ASB4: variants seen among roughly 807,000 people sequenced by gnomAD.
The protein encoded by ASB4 is ankyrin repeat and SOCS box containing 4, also known as ankyrin repeat and SOCS box protein 4.
Under a neutral mutation model 38.6 loss-of-function variants are expected in ASB4, and 35 were observed. The ratio of observed to expected loss-of-function variants is 0.91; its 90% CI spans 0.69 to 1.20. ASB4 has a LOEUF of 1.20. Ranked by LOEUF, ASB4 falls within the 50% of genes most tolerant of loss-of-function variation. The pLI is 0.00. For missense variants in ASB4, 557 were observed against 527.2 expected, an observed-to-expected ratio of 1.06 and a Z score of -0.55; for synonymous variants, 195 against 201.3, an observed-to-expected ratio of 0.97 and a Z score of 0.26.
At chr7:95,521,824 G>C (rs377737508) in intron 2 of ASB4, among the ~76,000 whole-genome samples, 1 of 151,918 alleles carries the variant, frequency 6.6e-6, no homozygotes, top group African/African-American at 2.4e-5. Flanking sequence ...CATATAAATA[G>C]TAAAAAGAAC....
In ASB4 at chr7:95,515,171, TTC is replaced by T. The variant is rs1296313857; in HGVS notation, c.488-12640_488-12639del. Among the ~76,000 whole-genome samples the T allele has an allele frequency of 1.8e-4, 8 of 44,658 alleles. No individual in the cohort carries two copies. In the East Asian group the frequency reaches 2.5e-3, roughly 14 times the overall value. The allele number at this position is 44,658 out of a possible 152,430, so 29.3% of individuals were successfully genotyped here. A position where few individuals can be genotyped will look rare whatever the true frequency, so the allele number is the denominator to read the frequency against. On this transcript the variant is annotated intron_variant, in intron 2 of 4. Coordinates refer to ENST00000325885, the MANE Select transcript of ASB4 (RefSeq NM_016116.3). ...TTTCTTTCTTTCTTTCTCTTTCTCT[TTC>T]TTTCTTTCTTTCTTTCTTTCTTTCT...
At chr7:95,496,759 G>T (rs1790254987) in intron 2 of ASB4, among the ~76,000 whole-genome samples, 1 of 151,994 alleles carries the variant, frequency 6.6e-6, no homozygotes, top group African/African-American at 2.4e-5. Flanking sequence ...GAGGTAGGAG[G>T]GTCACTTGAT....
At chr7:95,544,122 C>T (rs1791004330), downstream of ASB4, 1 of 152,014 alleles carries the variant, frequency 6.6e-6, no homozygotes. Flanking sequence ...TCTGGAGCAA[C>T]AAAGGGGATG....
intron 2 of ASB4, among the ~76,000 whole-genome samples, chr7:95,521,025 G>C (rs977839762): frequency 1.3e-5 from 2 of 151,996 alleles, no homozygotes; most frequent in African/African-American, 4.8e-5. Flanking sequence ...GGGGAAAAAT[G>C]TTTGAATTGC....
intron 1 of ASB4, among the ~76,000 whole-genome samples, chr7:95,492,608 T>C (rs1790188301): frequency 6.6e-6 from 1 of 152,208 alleles, no homozygotes; most frequent in Admixed American, 6.5e-5. Flanking sequence ...TTTCTTTGAT[T>C]TTACATCAAA....
At position 95,519,312 on chromosome 7, in the gene ASB4, T is replaced by C. The variant is rs755490268; in HGVS notation, c.488-8501T>C. On this transcript the variant is annotated intron_variant, in intron 2 of 4. Transcript: ENST00000325885. ...AAATAATTCCAGAACATGCAGAAAA[T>C]GAAAAGCCCTGAATAGAATAAAAGG... 2.0e-4 allele frequency among the ~76,000 whole-genome samples: 31 copies of C among 152,054 alleles called. No homozygotes were observed. In the Middle Eastern group the frequency reaches 0.017, roughly 83 times the overall value.
At chr7:95,476,726 T>C (rs1238742385), upstream of ASB4, among the ~76,000 whole-genome samples, 2 of 152,222 alleles carry the variant, frequency 1.3e-5, no homozygotes, top group African/African-American at 2.4e-5. Context: ...ATTGTGAGCA[T>C]GAGAAGCAAG....
chr7:95,510,780 T>C (rs922307221), intron 2 of ASB4, among the ~76,000 whole-genome samples: 3 of 152,208 alleles, frequency 2.0e-5, no homozygotes, highest in African/African-American at 7.2e-5. Context: ...ATGTGTCTTC[T>C]GTTTTGAGTT....
Position 95,528,102 on chromosome 7 carries a change from AG to A in ASB4, c.778del (p.Ala260ProfsTer11). 3 of 1,614,202 alleles carry A rather than the reference AG, an allele frequency of 1.9e-6. No homozygotes were observed. The highest frequency in any genetic ancestry group is 1.7e-6 in the Non-Finnish European group (2 of 1,180,036). ...DDFKSPLHKA[A>X]WNCDHVLMHM... Reference sequence around the variant, plus strand: ...ACTTTAAATCTCCCCTCCACAAGGCAGCCTGGAACTGTGACCACGTGCTCAT... The same window carrying A: ...ACTTTAAATCTCCCCTCCACAAGGCACCTGGAACTGTGACCACGTGCTCAT... On this transcript the variant is annotated frameshift_variant, in exon 3 of 5. Transcript: ENST00000325885. LOFTEE classifies it high-confidence loss of function.
chr7:95,505,615 G>A (rs187489685), intron 2 of ASB4, among the ~76,000 whole-genome samples: 50 of 151,930 alleles, frequency 3.3e-4, no homozygotes, highest in South Asian at 2.9e-3. Flanking sequence ...AGCAATAGAA[G>A]CAGCTTTATG....
intron 2 of ASB4, among the ~76,000 whole-genome samples, chr7:95,508,537 T>C (rs561827989): frequency 2.0e-5 from 3 of 152,096 alleles, no homozygotes; most frequent in Non-Finnish European, 4.4e-5. Flanking sequence ...TTCCGAGCAG[T>C]CTGGAGGGTC....
At chr7:95,527,466 G>T (rs1736294944) in intron 2 of ASB4, among the ~76,000 whole-genome samples, 1 of 152,202 alleles carries the variant, frequency 6.6e-6, no homozygotes, top group South Asian at 2.1e-4. Context: ...AAATATCATT[G>T]TTATGTTGAT....
intron 1 of ASB4, among the ~76,000 whole-genome samples, chr7:95,494,458 T>C (rs1445367156): frequency 1.3e-5 from 2 of 152,240 alleles, no homozygotes; most frequent in Admixed American, 1.3e-4. Context: ...GTTTCTCAAA[T>C]AAATGACCAT....
chr7:95,500,843 T>C (rs917795723), intron 2 of ASB4, among the ~76,000 whole-genome samples: 50 of 152,118 alleles, frequency 3.3e-4, no homozygotes, highest in African/African-American at 1.1e-3. Flanking sequence ...CTGTAGATAA[T>C]AGTGACCTGT....
At chr7:95,491,354 C>T (rs898239198) in intron 1 of ASB4, among the ~76,000 whole-genome samples, 2 of 152,252 alleles carry the variant, frequency 1.3e-5, no homozygotes, top group South Asian at 4.2e-4. Flanking sequence ...GAGTGGTTTA[C>T]ATTAGAGGGA....
At chr7:95,483,054 C>T (rs1197973370), upstream of ASB4, among the ~76,000 whole-genome samples, 3 of 152,114 alleles carry the variant, frequency 2.0e-5, no homozygotes, top group African/African-American at 4.8e-5. Flanking sequence ...CCTTGTCAGC[C>T]GACGGGCTGC....
intron 2 of ASB4, among the ~76,000 whole-genome samples, chr7:95,516,308 T>C (rs1790582595): frequency 6.6e-6 from 1 of 152,210 alleles, no homozygotes; most frequent in African/African-American, 2.4e-5. Context: ...TTCAGTCTTA[T>C]CTATGGTTAC....
chr7:95,510,256 A>G (rs1790461948), intron 2 of ASB4, among the ~76,000 whole-genome samples: 1 of 152,204 alleles, frequency 6.6e-6, no homozygotes, highest in South Asian at 2.1e-4. Flanking sequence ...GTCGTTTTCT[A>G]ACATGAAGAA....
At chr7:95,511,965 T>G (rs1292451201) in intron 2 of ASB4, among the ~76,000 whole-genome samples, 1 of 152,186 alleles carries the variant, frequency 6.6e-6, no homozygotes, top group Non-Finnish European at 1.5e-5. Flanking sequence ...TTGCTGTTTT[T>G]GCCTTATTCT....
Sources: gnomAD v4.1 joint callset for allele counts (sites outside exome capture counted in the v4.1 genomes callset) on GRCh38, gnomAD v4.1.1 for gene constraint, MANE v1.5 for transcripts, NCBI Gene and HGNC (gene_info 2026-07-23, HGNC 2026-07-21) for gene names.